The following MEF2A variants were observed in gnomAD, a reference collection of about 807,000 sequenced individuals.
The protein encoded by MEF2A is myocyte enhancer factor 2A.
MEF2A carries 28 observed loss-of-function variants against 55.8 expected under a neutral mutation model. That is an observed-to-expected ratio of 0.50 (90% CI 0.37 to 0.69). MEF2A has a LOEUF of 0.69. Ranked by LOEUF, MEF2A falls within the 30% of genes least tolerant of loss-of-function variation. MEF2A has a pLI of 0.00. For synonymous variants in MEF2A, 239 were observed against 227.1 expected (o/e 1.05, Z -0.47); for missense variants, 528 against 626.2 (o/e 0.84, Z 1.67).
At chr15:99,641,151 G>A (rs554054978) in intron 3 of MEF2A, among the ~76,000 whole-genome samples, 1 of 152,262 alleles carries the variant, frequency 6.6e-6, no homozygotes, top group Non-Finnish European at 1.5e-5. Flanking sequence ...CAGGGAAGAG[G>A]ACATCGGAAG....
chr15:99,668,609 C>T (rs2153613123), intron 4 of MEF2A, among the ~76,000 whole-genome samples: 1 of 152,276 alleles, frequency 6.6e-6, no homozygotes, highest in South Asian at 2.1e-4. Flanking sequence ...CATTTTTCTA[C>T]TTTTTCTTTA....
At chr15:99,675,661 C>A (rs983487913) in intron 7 of MEF2A, among the ~76,000 whole-genome samples, 1 of 152,178 alleles carries the variant, frequency 6.6e-6, no homozygotes, top group Admixed American at 6.5e-5. Flanking sequence ...CTCTATCTTA[C>A]AACAGCATGA....
At chr15:99,583,195 A>G (rs886810025) in intron 1 of MEF2A, among the ~76,000 whole-genome samples, 3 of 152,026 alleles carry the variant, frequency 2.0e-5, no homozygotes, top group South Asian at 2.1e-4. Flanking sequence ...TTCGATATAG[A>G]TTAGATTGGT....
At chr15:99,628,623 G>A (rs535861245) in intron 2 of MEF2A, among the ~76,000 whole-genome samples, 10 of 152,164 alleles carry the variant, frequency 6.6e-5, no homozygotes, top group Middle Eastern at 3.4e-3. Context: ...AAGGTCTAAA[G>A]TAAATGAGCA....
rs2059080720 is a variant in MEF2A, at chr15:99,715,676, T to C, written c.*2905T>C. 1 of 152,206 alleles carries C rather than the reference T, an allele frequency of 6.6e-6. No homozygotes were observed. Among genetic ancestry groups the C allele is most frequent in the Non-Finnish European group, 1.5e-5 (1 of 68,042 alleles). 9.4% of individuals were successfully genotyped at this position (152,206 alleles called of 1,614,324 possible). ...TACCCTTTTAGACTCGTGTTTTGTATGAGACACCATTGCAAGAAAATTTTA... is the reference window on the plus strand; with the variant it reads ...TACCCTTTTAGACTCGTGTTTTGTACGAGACACCATTGCAAGAAAATTTTA... On this transcript the variant is annotated 3_prime_UTR_variant, in exon 12 of 12. Coordinates refer to ENST00000557942, the MANE Select transcript of MEF2A (RefSeq NM_001319206.4).
intron 1 of MEF2A, among the ~76,000 whole-genome samples, chr15:99,594,957 T>C (rs940668532): frequency 2.0e-5 from 3 of 152,238 alleles, no homozygotes; most frequent in Non-Finnish European, 4.4e-5. Context: ...GTACTGGTCC[T>C]CTGAGACTGA....
At chr15:99,570,279 A>G (rs1352064980) in intron 1 of MEF2A, among the ~76,000 whole-genome samples, 1 of 152,222 alleles carries the variant, frequency 6.6e-6, no homozygotes, top group Non-Finnish European at 1.5e-5. Context: ...AACTTCTAGT[A>G]AATACCAACC....
At chr15:99,673,367 T>C (rs1377788420) in intron 5 of MEF2A, among the ~76,000 whole-genome samples, 1 of 152,214 alleles carries the variant, frequency 6.6e-6, no homozygotes, top group Non-Finnish European at 1.5e-5. Context: ...AAAAGTGTTT[T>C]ACTTTTGAAA....
At chr15:99,612,132 C>T (rs1051276330) in intron 2 of MEF2A, among the ~76,000 whole-genome samples, 4 of 151,872 alleles carry the variant, frequency 2.6e-5, no homozygotes, top group African/African-American at 7.3e-5. Flanking sequence ...AGAAAAACAC[C>T]GGGCCGGGGG....
At position 99,707,472 on chromosome 15, in the gene MEF2A, A is replaced by G. The variant is rs576694651; in HGVS notation, c.1009+617A>G. Among the ~76,000 whole-genome samples, 3 of 152,234 alleles carry G rather than the reference A, an allele frequency of 2.0e-5. No homozygotes were observed. The South Asian group carries it at 6.2e-4, about 32-fold the overall frequency. ...TTCCTTCATTTATGTTTATTTAGGC[A>G]TTTCATCTTAAAATGCCCTAATTTG... On this transcript the variant is annotated intron_variant, in intron 10 of 11. Transcript: ENST00000557942.
chr15:99,578,481 T>C (rs1769037192), intron 1 of MEF2A, among the ~76,000 whole-genome samples: 1 of 152,200 alleles, frequency 6.6e-6, no homozygotes, highest in Non-Finnish European at 1.5e-5. Flanking sequence ...CATCTTGCAT[T>C]TTACCAGCTC....
rs3730283 is a variant in MEF2A, at chr15:99,706,776, C to T, written c.930C>T (p.Thr310=). 2.7e-4 allele frequency: 441 copies of T among 1,613,934 alleles called. 4 individuals carry two copies. The African/African-American group carries it at 3.3e-3, about 12-fold the overall frequency. The change falls in exon 10 of 12, where the codon ACC becomes ACT. Residue 310 remains threonine (T), a synonymous_variant. Transcript: ENST00000557942. ...CTCAAGCCACTCAACCTCTTGCTAC[C>T]CCAGTCGTGTCTGTGACAACCCCAA... ...SSSQATQPLA[T]PVVSVTTPSL... is the part of the protein sequence containing the mutation.
intron 2 of MEF2A, among the ~76,000 whole-genome samples, chr15:99,623,746 TTTG>T (rs1003176710): frequency 1.3e-5 from 2 of 152,192 alleles, no homozygotes; most frequent in African/African-American, 4.8e-5. Flanking sequence ...GGGTTATGTT[TTTG>T]TTGAGTTTTT....
At chr15:99,602,854 C>T (rs1973793451) in intron 2 of MEF2A, among the ~76,000 whole-genome samples, 1 of 150,646 alleles carries the variant, frequency 6.6e-6, no homozygotes, top group South Asian at 2.1e-4. Flanking sequence ...CCTACTGTAA[C>T]AAAACTATGA....
intron 4 of MEF2A, among the ~76,000 whole-genome samples, chr15:99,656,575 T>C (rs1378182136): frequency 2.0e-5 from 3 of 152,110 alleles, no homozygotes; most frequent in Admixed American, 6.6e-5. Context: ...CAATATGATA[T>C]GATTTCCAGT....
intron 4 of MEF2A, among the ~76,000 whole-genome samples, chr15:99,666,031 A>AT (rs1156448550): frequency 6.6e-6 from 1 of 152,170 alleles, no homozygotes; most frequent in African/African-American, 2.4e-5. Flanking sequence ...CAGTGTGGTG[A>AT]TTCCTCAAGG....
intron 8 of MEF2A, among the ~76,000 whole-genome samples, chr15:99,696,793 C>G (rs900887718): frequency 7.3e-5 from 11 of 151,642 alleles, no homozygotes; most frequent in East Asian, 3.9e-4. Flanking sequence ...AGAACACTTT[C>G]CAACTTATTT....
chr15:99,585,607 T>C (rs546570086), intron 1 of MEF2A, among the ~76,000 whole-genome samples: 1 of 152,254 alleles, frequency 6.6e-6, no homozygotes, highest in African/African-American at 2.4e-5. Context: ...AATAAGAATG[T>C]CATTAAGAAA....
chr15:99,647,761 C>T lies in MEF2A; in HGVS notation c.258+1997C>T, dbSNP rs138974838. 5.3e-5 allele frequency among the ~76,000 whole-genome samples: 8 copies of T among 152,188 alleles called. 1 individual carries two copies. In the East Asian group the frequency reaches 9.6e-4, roughly 18 times the overall value. The stretch of plus-strand genomic sequence containing the variant: ...TTCCTCAAAATAAGTTAAAATGAAT[C>T]GTGTTAATAGTTCCTTGTGAAGTTC... On this transcript the variant is annotated intron_variant, in intron 4 of 11. Transcript: ENST00000557942.
Sources: gnomAD v4.1 joint callset for allele counts (sites outside exome capture counted in the v4.1 genomes callset) on GRCh38, gnomAD v4.1.1 for gene constraint, MANE v1.5 for transcripts, NCBI Gene and HGNC (gene_info 2026-07-23, HGNC 2026-07-21) for gene names.